Variants in ITIH1 observed in about 807,000 individuals in gnomAD.
ITIH1 encodes inter-alpha-trypsin inhibitor heavy chain H1.
A neutral mutation model predicts 104.6 loss-of-function variants in ITIH1; 94 were observed. The ratio of observed to expected loss-of-function variants is 0.90; its 90% CI spans 0.76 to 1.07. ITIH1 has a LOEUF of 1.07. Among genes scored for constraint, ITIH1 ranks in the 50% least tolerant of loss-of-function variants. The pLI is 0.00. For missense variants in ITIH1, 1,193 were observed against 1,181.4 expected, an observed-to-expected ratio of 1.01 and a Z score of -0.14; for synonymous variants, 455 against 464.4, an observed-to-expected ratio of 0.98 and a Z score of 0.26.
intron 1 of ITIH1, 31 bp downstream of exon 1, chr3:52,777,763 G>A: frequency 3.2e-6 from 5 of 1,545,454 alleles, no homozygotes; most frequent in Non-Finnish European, 4.4e-6. Flanking sequence ...GGCAGAAATA[G>A]GCAGCTGAAC....
intron 1 of ITIH1, 36 bp downstream of exon 1, chr3:52,777,768 C>T (rs535584458): frequency 7.2e-6 from 11 of 1,536,264 alleles, no homozygotes; most frequent in Admixed American, 3.7e-5. Flanking sequence ...AAATAGGCAG[C>T]TGAACCTGGA....
chr3:52,787,984 A>G lies in ITIH1; in HGVS notation c.1925-2A>G. On this transcript the variant is annotated splice_acceptor_variant, in intron 16 of 21. Transcript: ENST00000273283. LOFTEE classifies it high-confidence loss of function. ...TCTAAATGCCACTCCCCCTCCCATC[A>G]GCGTTCGTGCTGTCAGCCTTGCAGC... The G allele has an allele frequency of 6.2e-7, 1 of 1,613,538 alleles. No individual in the cohort carries two copies. Among genetic ancestry groups the G allele is most frequent in the South Asian group, 1.1e-5 (1 of 91,058 alleles).
At chr3:52,791,408 GA>G (rs1418331941) in intron 20 of ITIH1, 108 bp from the exon 21 acceptor site, 30 of 790,106 alleles carry the variant, frequency 3.8e-5, no homozygotes, top group Non-Finnish European at 4.7e-5. Flanking sequence ...TCAAGCCCTG[GA>G]AAAAAAGCGG....
chr3:52,779,026 A>T lies in ITIH1; in HGVS notation c.390A>T (p.Gly130=). Residue 130 remains glycine, a synonymous_variant, in exon 4 of 22, where the codon GGA becomes GGT. Coordinates refer to ENST00000273283, the MANE Select transcript of ITIH1 (RefSeq NM_002215.4). The surrounding 1 kb of genome is among the most constrained non-coding windows in gnomAD (Gnocchi z 4.4). ...WKQYRKAAIS[G]ENAGLVRASG... ...AGTACCGGAAAGCAGCTATCTCAGG[A>T]GAGAATGCCGGCCTTGTCAGGTGAG... 1 of 1,613,376 alleles carries T rather than the reference A, an allele frequency of 6.2e-7. No homozygotes were observed. Among genetic ancestry groups the T allele is most frequent in the Non-Finnish European group, 8.5e-7 (1 of 1,179,264 alleles).
rs1699256921 is a variant in ITIH1 at position 52,788,297 on chromosome 3, A to G, written c.2071A>G (p.Asn691Asp). Residue 691 changes from asparagine (N) to aspartate (D), a missense_variant, in exon 18 of 22, where the codon AAT (asparagine) becomes GAT (aspartate). Coordinates refer to ENST00000273283, the MANE Select transcript of ITIH1 (RefSeq NM_002215.4). Reference sequence around the variant, plus strand: ...AGAGGACACCCTGTGCTTCAACATCAATGAGGAGCCTGGTGTTATCCTGAG... The same window carrying G: ...AGAGGACACCCTGTGCTTCAACATCGATGAGGAGCCTGGTGTTATCCTGAG... ...QKEDTLCFNI[N>D]EEPGVILSLV... 1 of 1,611,568 alleles carries G rather than the reference A, an allele frequency of 6.2e-7. No individual in the cohort carries two copies. The highest frequency in any genetic ancestry group is 8.5e-7 in the Non-Finnish European group (1 of 1,178,960).
intron 21 of ITIH1, 67 bp downstream of exon 21, chr3:52,791,695 A>C: frequency 1.9e-6 from 3 of 1,607,874 alleles, no homozygotes; most frequent in South Asian, 2.2e-5. Context: ...GTCTTCCTCC[A>C]GGTGTCACAT....
Position 52,782,201 on chromosome 3 carries a change from CAT to C in ITIH1, c.865_866del (p.Met289GlufsTer9). On this transcript the variant is annotated frameshift_variant, in exon 8 of 22. Coordinates refer to ENST00000273283, the MANE Select transcript of ITIH1 (RefSeq NM_002215.4). LOFTEE classifies it high-confidence loss of function. ...TCTTTGCCCCCCAAAACCTGACAAACATGAACAAGAACGTGGTTTTTGTGATT... is the reference window on the plus strand; with the variant it reads ...TCTTTGCCCCCCAAAACCTGACAAACGAACAAGAACGTGGTTTTTGTGATT... ...HFFAPQNLTN[M>X]NKNVVFVIDI... The C allele has an allele frequency of 6.2e-7, 1 of 1,614,168 alleles. No individual in the cohort carries two copies. The highest frequency in any genetic ancestry group is 1.3e-5 in the African/African-American group (1 of 75,046).
In ITIH1 at chr3:52,791,782, G is replaced by A; in HGVS notation, c.2607G>A (p.Arg869=). 6.2e-7 allele frequency: 1 copy of A among 1,612,448 alleles called. No individual in the cohort carries two copies. The highest frequency in any genetic ancestry group is 8.5e-7 in the Non-Finnish European group (1 of 1,179,146). The change falls in exon 22 of 22, where the codon AGG becomes AGA. Residue 869 remains arginine (R), a splice_region_variant and synonymous_variant. Transcript: ENST00000273283. The stretch of plus-strand genomic sequence containing the variant: ...CCCCAGCTGACTTGTCTCTGCACAG[G>A]GGTTTGCAAAAAGACTACAGCAAGG... The part of the protein sequence containing the change: ...VVRNRRLTVT[R]GLQKDYSKDP...
At chr3:52,788,609 G>A (rs1335934016) in intron 18 of ITIH1, among the ~76,000 whole-genome samples, 6 of 151,208 alleles carry the variant, frequency 4.0e-5, no homozygotes. Context: ...TGCCCAGGCT[G>A]GAGTACAGTG....
At position 52,779,494 on chromosome 3, in the gene ITIH1, T is replaced by C; in HGVS notation, c.473T>C (p.Val158Ala). Residue 158 changes from valine (V) to alanine (A), a missense_variant, in exon 5 of 22, where the codon GTC becomes GCC. Val to Ala is a moderately conservative substitution (Grantham distance 64). Transcript: ENST00000273283. The surrounding 1 kb of genome is among the most constrained non-coding windows in gnomAD (Gnocchi z 4.4). ...CTCACCGTCAATCCCCAGAGCAAGG[T>C]CACGTTTCAGCTGACTTATGAGGAA... ...IHLTVNPQSK[V>A]TFQLTYEEVL... is the part of the protein sequence containing the mutation. 2 of 1,614,246 alleles carry C rather than the reference T, an allele frequency of 1.2e-6. No individual in the cohort carries two copies. The highest frequency in any genetic ancestry group is 2.2e-5 in the South Asian group (2 of 91,086).
chr3:52,778,658 G>A, intron 3 of ITIH1, 152 bp downstream of exon 3: 1 of 1,463,900 alleles, frequency 6.8e-7, no homozygotes, highest in Non-Finnish European at 9.0e-7. Context: ...GGAGGAAGAA[G>A]CCCTTTAGGT....
At chr3:52,777,792 G>A (rs533637347) in intron 1 of ITIH1, 60 bp downstream of exon 1, 37 of 1,465,696 alleles carry the variant, frequency 2.5e-5, no homozygotes, top group South Asian at 1.5e-4. Context: ...GGCCCCGGGC[G>A]GGACACAAGA....
chr3:52,784,876 G>GAAA (rs5848960), intron 11 of ITIH1, among the ~76,000 whole-genome samples, 168 bp from the exon 12 acceptor site: 5,611 of 137,700 alleles, frequency 0.041, 407 homozygotes, highest in African/African-American at 0.14. Context: ...CTCTGTCTCA[G>GAAA]AAAAAAAAAA....
chr3:52,782,475 C>A (rs921770653), intron 8 of ITIH1, among the ~76,000 whole-genome samples: 1 of 152,184 alleles, frequency 6.6e-6, no homozygotes, highest in African/African-American at 2.4e-5. Context: ...ATTCACCTCT[C>A]CTCAATGGCA....
chr3:52,777,738 T>C lies in ITIH1; in HGVS notation c.117+6T>C. On this transcript the variant is annotated splice_donor_region_variant and intron_variant, in intron 1 of 21. Transcript: ENST00000273283. The stretch of plus-strand genomic sequence containing the variant: ...GCAGGTCCAAGAGCAGCGAGGTATA[T>C]GGCTAAGCCCACAGGGCAGAAATAG... 6.4e-7 allele frequency: 1 copy of C among 1,571,780 alleles called. No homozygotes were observed. The highest frequency in any genetic ancestry group is 8.6e-7 in the Non-Finnish European group (1 of 1,158,896).
In ITIH1 at chr3:52,778,018, G is replaced by T. The variant is rs947579244; in HGVS notation, c.138+1G>T. 2 of 1,614,192 alleles carry T rather than the reference G, an allele frequency of 1.2e-6. No individual in the cohort carries two copies. The highest frequency in any genetic ancestry group is 1.1e-5 in the South Asian group (1 of 91,076). On this transcript the variant is annotated splice_donor_variant, in intron 2 of 21. Coordinates refer to ENST00000273283, the MANE Select transcript of ITIH1 (RefSeq NM_002215.4). LOFTEE classifies it high-confidence loss of function. ...GCAGAAGCGACAGGCTGTGGACACC[G>T]TGAGTAAGAGTCCTGGCAAAGGGGT... is the stretch of plus-strand genomic sequence containing the variant.
rs1699247417 is a variant in ITIH1, at chr3:52,788,034, A to G, written c.1973A>G (p.Asn658Ser). 9 of 1,612,252 alleles carry G rather than the reference A, an allele frequency of 5.6e-6. No individual in the cohort carries two copies. Among genetic ancestry groups the G allele is most frequent in the Non-Finnish European group, 7.6e-6 (9 of 1,179,082 alleles). The part of the protein sequence containing the change: ...LQPSPTHSSS[N>S]TQRLPDRVTG... ...CCTTCTCCTACTCATTCCAGCTCCAATACCCAGCGGCTGCCAGACCGAGTG... is the reference window on the plus strand; with the variant it reads ...CCTTCTCCTACTCATTCCAGCTCCAGTACCCAGCGGCTGCCAGACCGAGTG... Residue 658 changes from asparagine to serine, a missense_variant, in exon 17 of 22, where the codon AAT becomes AGT. Physicochemically the swap from Asn to Ser is conservative, Grantham distance 46 (BLOSUM62 1). Transcript: ENST00000273283.
rs1308778893 is a variant in ITIH1, at chr3:52,790,870, T to C, written c.2443T>C (p.Phe815Leu). ...CTCGGTCCACCAGGACTTCCTGGGC[T>C]TCTATGTGCTGGACAGTCATCGGAT... ...GSSVHQDFLG[F>L]YVLDSHRMSA... Residue 815 changes from phenylalanine to leucine, a missense_variant, in exon 20 of 22, where the codon TTC becomes CTC. Phe to Leu is a conservative substitution (Grantham distance 22). Transcript: ENST00000273283. 1 of 1,612,608 alleles carries C rather than the reference T, an allele frequency of 6.2e-7. No individual in the cohort carries two copies. Among genetic ancestry groups the C allele is most frequent in the Non-Finnish European group, 8.5e-7 (1 of 1,179,420 alleles).
intron 6 of ITIH1, among the ~76,000 whole-genome samples, chr3:52,780,713 G>A (rs950425447): frequency 6.6e-6 from 1 of 152,232 alleles, no homozygotes; most frequent in Non-Finnish European, 1.5e-5. Flanking sequence ...AGAGCATTCA[G>A]GGAAATATCC....
Sources: gnomAD v4.1 joint callset for allele counts (sites outside exome capture counted in the v4.1 genomes callset) on GRCh38, gnomAD v4.1.1 for gene constraint, Gnocchi (gnomAD v3.1) non-coding constraint, MANE v1.5 for transcripts, NCBI Gene and HGNC (gene_info 2026-07-23, HGNC 2026-07-21) for gene names.